Variants in ARHGAP23 observed in about 807,000 individuals in gnomAD.
ARHGAP23 encodes rho GTPase-activating protein 23.
Under a neutral mutation model 136.3 loss-of-function variants are expected in ARHGAP23, and 34 were observed. The observed-to-expected ratio is 0.25, with a 90% CI of 0.19 to 0.33. The LOEUF (loss-of-function observed/expected upper bound fraction) is 0.33. ARHGAP23 is among the 10% of genes least tolerant of loss of function. The pLI is 1.00. For synonymous variants in ARHGAP23, 832 were observed against 920.5 expected, an observed-to-expected ratio of 0.90 and a Z score of 1.74; for missense variants, 1,808 against 2,139.0, an observed-to-expected ratio of 0.85 and a Z score of 3.05.
intron 23 of ARHGAP23, among the ~76,000 whole-genome samples, chr17:38,503,225 G>A (rs2040559379): frequency 6.6e-6 from 1 of 152,204 alleles, no homozygotes; most frequent in Admixed American, 6.5e-5. Flanking sequence ...AGAGGGAGGT[G>A]GCAGGGGCAC....
At chr17:38,465,970 G>T (rs1292100378) in intron 6 of ARHGAP23, among the ~76,000 whole-genome samples, 197 bp from the exon 7 acceptor site, 1 of 151,920 alleles carries the variant, frequency 6.6e-6, no homozygotes, top group East Asian at 1.9e-4. Context: ...CGTCTCAAAG[G>T]CTTCTTGCTT....
intron 8 of ARHGAP23, 33 bp from the exon 9 acceptor site, chr17:38,469,491 T>C: frequency 6.5e-7 from 1 of 1,539,378 alleles, no homozygotes; most frequent in South Asian, 1.2e-5. Flanking sequence ...GCTGCCCCGC[T>C]GACCCTGAGG....
intron 20 of ARHGAP23, among the ~76,000 whole-genome samples, chr17:38,495,304 T>A (rs2040369213): frequency 6.7e-6 from 1 of 149,276 alleles, no homozygotes; most frequent in African/African-American, 2.5e-5. Flanking sequence ...CGGTCTCCAC[T>A]CACTGCAGCC....
Position 38,466,621 on chromosome 17 carries a change from G to T in ARHGAP23, c.938G>T (p.Arg313Leu), listed in dbSNP as rs563122120. 1.1e-5 allele frequency: 16 copies of T among 1,515,434 alleles called. No homozygotes were observed. The highest frequency in any genetic ancestry group is 1.3e-5 in the Non-Finnish European group (15 of 1,136,660). The allele number at this position is 1,515,434 out of a possible 1,614,324, so 93.9% of individuals were successfully genotyped here. The part of the protein sequence containing the change: ...RRCPAMAPRA[R>L]SASQDRLEEV... ...TGCCCAGCCATGGCCCCCCGGGCCC[G>T]CAGCGCCTCCCAGGACCGGTTGGAG... The change falls in exon 7 of 24, where the codon CGC becomes CTC. Residue 313 changes from arginine (R) to leucine (L), a missense_variant. This residue lies in a region of ARHGAP23 where 859 missense variants were observed against 936.4 expected (regional missense o/e 0.92). Transcript: ENST00000622683.
At chr17:38,488,071 A>T (rs1039640490) in intron 17 of ARHGAP23, among the ~76,000 whole-genome samples, 5 of 151,526 alleles carry the variant, frequency 3.3e-5, no homozygotes, top group African/African-American at 1.2e-4. Context: ...CCAGCTAATT[A>T]AAAAAAAATT....
chr17:38,453,991 G>A (rs1222788511), intron 1 of ARHGAP23: 2 of 146,270 alleles, frequency 1.4e-5, no homozygotes, highest in African/African-American at 2.5e-5. Flanking sequence ...GGTGGGCAGC[G>A]CCGTGTGGCG....
intron 1 of ARHGAP23, among the ~76,000 whole-genome samples, chr17:38,452,972 G>A (rs963213157): frequency 6.6e-6 from 1 of 152,200 alleles, no homozygotes; most frequent in African/African-American, 2.4e-5. Flanking sequence ...CTCCATCTGC[G>A]CTTAAGAGTG....
chr17:38,431,373 AG>A (rs1372489534), intron 1 of ARHGAP23, among the ~76,000 whole-genome samples: 1 of 152,104 alleles, frequency 6.6e-6, no homozygotes, highest in Non-Finnish European at 1.5e-5. Context: ...AGGGGTTCAA[AG>A]GTAAGATATT....
intron 14 of ARHGAP23, 65 bp downstream of exon 14, chr17:38,479,948 C>T (rs1166851246): frequency 1.2e-5 from 19 of 1,529,190 alleles, no homozygotes; most frequent in East Asian, 7.4e-5. Context: ...GGGGAGGGCA[C>T]GCGTGTGTGT....
Position 38,503,049 on chromosome 17 carries a change from AAAAC to A in ARHGAP23, c.3447+2441_3447+2444del, listed in dbSNP as rs60346398. ...GGCAACAGAGCAAGATCCTATCTCA[AAAAC>A]AAACAAACAAACAAACAAAAAAAGA... On this transcript the variant is annotated intron_variant, in intron 23 of 23. Transcript: ENST00000622683. Among the ~76,000 whole-genome samples, 189 of 152,270 alleles carry A rather than the reference AAAAC, an allele frequency of 1.2e-3. 1 individual carries two copies. The highest frequency in any genetic ancestry group is 0.01 in the Middle Eastern group (3 of 294).
At chr17:38,498,705 C>T (rs2040448612) in intron 22 of ARHGAP23, among the ~76,000 whole-genome samples, 195 bp downstream of exon 22, 1 of 152,204 alleles carries the variant, frequency 6.6e-6, no homozygotes, top group African/African-American at 2.4e-5. Context: ...TGCCCACCTC[C>T]TGTCTGCGCA....
intron 1 of ARHGAP23, chr17:38,457,610 T>G: frequency 5.7e-6 from 1 of 175,244 alleles, no homozygotes; most frequent in Non-Finnish European, 1.2e-5. Flanking sequence ...GTCTGTATGT[T>G]TGTGGTATGT....
At position 38,510,405 on chromosome 17, in the gene ARHGAP23, C is replaced by T. The variant is rs981519548; in HGVS notation, c.3909C>T (p.Arg1303=). 2 of 1,240,154 alleles carry T rather than the reference C, an allele frequency of 1.6e-6. No individual in the cohort carries two copies. Among genetic ancestry groups the T allele is most frequent in the East Asian group, 3.2e-5 (1 of 31,440 alleles). 76.8% of individuals were successfully genotyped at this position (1,240,154 alleles called of 1,614,324 possible). Residue 1303 remains arginine (R), a synonymous_variant, in exon 24 of 24, where the codon CGC becomes CGT. Coordinates refer to ENST00000622683, the MANE Select transcript of ARHGAP23 (RefSeq NM_001199417.2). This position sits in a 1 kb window ranked among gnomAD's most constrained non-coding sequence, Gnocchi z 4.6. ...AGAGPGGRLT[R]RPSFSSHHLM... ...CGGGGCCTGGGGGGCGCCTGACACG[C>T]CGGCCGTCCTTCAGCTCGCACCACC... is the stretch of plus-strand genomic sequence containing the variant.
intron 1 of ARHGAP23, among the ~76,000 whole-genome samples, chr17:38,453,415 A>C (rs1358096611): frequency 1.1e-5 from 1 of 89,550 alleles, no homozygotes; most frequent in Admixed American, 1.0e-4. Context: ...GCGCGCGCGT[A>C]TGCGTGCGTG....
At position 38,510,448 on chromosome 17, in the gene ARHGAP23, C is replaced by T; in HGVS notation, c.3952C>T (p.Leu1318=). The T allele has an allele frequency of 1.6e-6, 2 of 1,214,318 alleles. No individual in the cohort carries two copies. The highest frequency in any genetic ancestry group is 2.0e-6 in the Non-Finnish European group (2 of 977,310). The allele number at this position is 1,214,318 out of a possible 1,614,324, so 75.2% of individuals were successfully genotyped here. A position where few individuals can be genotyped will look rare whatever the true frequency, so the allele number is the denominator to read the frequency against. The part of the protein sequence containing the change: ...SSHHLMPCDT[L]ARRRLARGRP... ...GCACCACCTCATGCCCTGCGACACT[C>T]TGGCGCGCCGCCGCCTGGCCCGGGG... The change falls in exon 24 of 24, where the codon CTG becomes TTG. Residue 1318 remains leucine, a synonymous_variant. Transcript: ENST00000622683. This position sits in a 1 kb window ranked among gnomAD's most constrained non-coding sequence, Gnocchi z 4.6.
intron 3 of ARHGAP23, among the ~76,000 whole-genome samples, 178 bp downstream of exon 3, chr17:38,461,110 C>T (rs1567793556): frequency 6.6e-6 from 1 of 152,232 alleles, no homozygotes; most frequent in East Asian, 1.9e-4. Context: ...CTCCTCCTCA[C>T]TCTCTCTGTC....
intron 23 of ARHGAP23, chr17:38,501,170 T>C (rs918269061): frequency 1.3e-5 from 2 of 152,316 alleles, no homozygotes; most frequent in African/African-American, 4.8e-5. Flanking sequence ...AGCTGGTTCT[T>C]TGAAAAAAAA....
chr17:38,464,552 G>A (rs561980954), intron 6 of ARHGAP23, among the ~76,000 whole-genome samples: 2 of 152,302 alleles, frequency 1.3e-5, no homozygotes, highest in South Asian at 2.1e-4. Context: ...CCCTGACCTC[G>A]ATTGTCCCCT....
At position 38,469,838 on chromosome 17, in the gene ARHGAP23, G is replaced by A. The variant is rs934589705; in HGVS notation, c.1917-9G>A. ...CCCACATCCCTCACCCTCGACCCTC[G>A]CTTTCCAGGCGCCTGCCAAACCGCA... On this transcript the variant is annotated splice_polypyrimidine_tract_variant and intron_variant, in intron 9 of 23. Coordinates refer to ENST00000622683, the MANE Select transcript of ARHGAP23 (RefSeq NM_001199417.2). The A allele has an allele frequency of 1.2e-5, 18 of 1,551,484 alleles. No homozygotes were observed. The highest frequency in any genetic ancestry group is 8.2e-5 in the African/African-American group (6 of 73,036).
Sources: gnomAD v4.1 joint callset for allele counts (sites outside exome capture counted in the v4.1 genomes callset) on GRCh38, gnomAD v4.1.1 for gene constraint, gnomAD v4.1.1 regional missense constraint, Gnocchi (gnomAD v3.1) non-coding constraint, MANE v1.5 for transcripts, NCBI Gene and HGNC (gene_info 2026-07-23, HGNC 2026-07-21) for gene names.